FRMD5: variants seen among roughly 807,000 people sequenced by gnomAD.
FRMD5 encodes the protein FERM domain containing 5, also known as FERM domain-containing protein 5.
In FRMD5, 20 loss-of-function variants were observed where a neutral mutation model predicts 69.0. That is an observed-to-expected ratio of 0.29 (90% CI 0.20 to 0.42). The LOEUF is 0.42. FRMD5 is among the 10% of genes least tolerant of loss of function. FRMD5 has a pLI of 1.00. For missense variants in FRMD5, 595 were observed against 708.6 expected (o/e 0.84, Z 1.82); for synonymous variants, 271 against 260.1 (o/e 1.04, Z -0.40).
intron 1 of FRMD5, among the ~76,000 whole-genome samples, chr15:44,160,430 G>A (rs560661850): frequency 3.3e-5 from 5 of 152,110 alleles, no homozygotes; most frequent in Non-Finnish European, 5.9e-5. Flanking sequence ...GGAGAGGGAC[G>A]GATAAGTTGT....
chr15:43,923,223 T>G (rs937845878), intron 2 of FRMD5, among the ~76,000 whole-genome samples: 1 of 152,250 alleles, frequency 6.6e-6, no homozygotes, highest in African/African-American at 2.4e-5. Context: ...AACTACATTG[T>G]AGGCCTGTGC....
chr15:43,996,952 T>C (rs1889960626), intron 1 of FRMD5, among the ~76,000 whole-genome samples: 1 of 152,080 alleles, frequency 6.6e-6, no homozygotes, highest in Non-Finnish European at 1.5e-5. Context: ...GTGGGGGGCT[T>C]TTAAAAAAAT....
intron 1 of FRMD5, among the ~76,000 whole-genome samples, chr15:44,119,113 A>G (rs564063118): frequency 2.3e-4 from 35 of 151,670 alleles, no homozygotes; most frequent in Non-Finnish European, 2.9e-4. Context: ...GCACCACCAC[A>G]CCCAGTTAAT....
At chr15:44,156,782 T>A in intron 1 of FRMD5, among the ~76,000 whole-genome samples, 1 of 152,162 alleles carries the variant, frequency 6.6e-6, no homozygotes, top group East Asian at 1.9e-4. Flanking sequence ...ACATCAGGAA[T>A]GTATCTTTTT....
intron 1 of FRMD5, among the ~76,000 whole-genome samples, chr15:44,113,440 T>G (rs1424493183): frequency 1.3e-5 from 2 of 152,228 alleles, no homozygotes; most frequent in Non-Finnish European, 2.9e-5. Flanking sequence ...ATGGGGTATA[T>G]GAGACACTTG....
At chr15:43,996,788 G>T (rs1427895980) in intron 1 of FRMD5, among the ~76,000 whole-genome samples, 1 of 116,632 alleles carries the variant, frequency 8.6e-6, no homozygotes, top group African/African-American at 3.3e-5. Flanking sequence ...AAAGTGTTCT[G>T]CATGTTGAAA....
chr15:43,936,748 G>C (rs2089768269), intron 1 of FRMD5, among the ~76,000 whole-genome samples: 1 of 151,018 alleles, frequency 6.6e-6, no homozygotes, highest in Non-Finnish European at 1.5e-5. Context: ...AACTACATAG[G>C]CTGTACTTGG....
intron 4 of FRMD5, among the ~76,000 whole-genome samples, chr15:43,913,795 A>T (rs942114009): frequency 5.3e-5 from 8 of 152,322 alleles, no homozygotes; most frequent in African/African-American, 1.4e-4. Flanking sequence ...AGCAATCAGA[A>T]TCCAGGCCTT....
chr15:44,004,703 T>C (rs1272833339), intron 1 of FRMD5, among the ~76,000 whole-genome samples: 22 of 152,182 alleles, frequency 1.4e-4, no homozygotes, highest in Non-Finnish European at 4.4e-5. Context: ...CACAACAATA[T>C]TGAAATTAGC....
At chr15:44,091,730 G>A (rs1166645316) in intron 1 of FRMD5, among the ~76,000 whole-genome samples, 3 of 151,796 alleles carry the variant, frequency 2.0e-5, no homozygotes, top group Admixed American at 6.6e-5. Flanking sequence ...TTTTTTTATT[G>A]AGAAAAGAAA....
At position 43,892,662 on chromosome 15, in the gene FRMD5, G is replaced by A. The variant is rs949991328; in HGVS notation, c.640-593C>T. On this transcript the variant is annotated intron_variant, in intron 7 of 13. Transcript: ENST00000417257. ...TGATACAGTAGAATCTTATTCACCG[G>A]TAAAAAGGGATGAAGGACTGATAGA... Among the ~76,000 whole-genome samples, 4 of 152,140 alleles carry A rather than the reference G, an allele frequency of 2.6e-5. No homozygotes were observed. The East Asian group carries it at 7.7e-4, about 29-fold the overall frequency.
intron 13 of FRMD5, 106 bp downstream of exon 13, chr15:43,883,597 T>TC (rs1482954174): frequency 1.3e-6 from 1 of 781,280 alleles, no homozygotes; most frequent in Non-Finnish European, 2.1e-6. Flanking sequence ...GAGGCCCTTT[T>TC]CCCCAAGAGA....
chr15:44,109,507 G>A lies in FRMD5; in HGVS notation c.102+85446C>T, dbSNP rs538657531. On this transcript the variant is annotated intron_variant, in intron 1 of 13. Transcript: ENST00000417257. Reference sequence around the variant, plus strand: ...TTGTTTTTTTTAAGAGCAATTTGGGGTTCACAGCAGAATTGAGCAGAAAGT... The same window carrying A: ...TTGTTTTTTTTAAGAGCAATTTGGGATTCACAGCAGAATTGAGCAGAAAGT... Among the ~76,000 whole-genome samples, 46 of 151,716 alleles carry A rather than the reference G, an allele frequency of 3.0e-4. No homozygotes were observed. In the South Asian group the frequency reaches 9.4e-3, roughly 31 times the overall value.
intron 1 of FRMD5, among the ~76,000 whole-genome samples, chr15:43,999,647 A>G (rs957625200): frequency 1.3e-5 from 2 of 151,638 alleles, no homozygotes; most frequent in African/African-American, 2.4e-5. Context: ...TATGCGTTTG[A>G]CTTTCTTAGA....
chr15:43,885,374 T>C (rs1342716344), intron 11 of FRMD5, among the ~76,000 whole-genome samples: 2 of 152,090 alleles, frequency 1.3e-5, no homozygotes, highest in South Asian at 2.1e-4. Flanking sequence ...TGGGGTTTCA[T>C]CATGTTGCCC....
intron 1 of FRMD5, among the ~76,000 whole-genome samples, chr15:43,939,253 T>A (rs1202676086): frequency 6.6e-6 from 1 of 151,992 alleles, no homozygotes; most frequent in Admixed American, 6.6e-5. Flanking sequence ...CAATCCCAAA[T>A]CCCCCAGATG....
intron 1 of FRMD5, among the ~76,000 whole-genome samples, chr15:44,080,888 T>G (rs1268817010): frequency 6.6e-6 from 1 of 152,150 alleles, no homozygotes; most frequent in Non-Finnish European, 1.5e-5. Context: ...TCATTTTGGT[T>G]CATTTGCAAA....
chr15:44,064,555 C>CTCCA (rs1157588912), intron 1 of FRMD5, among the ~76,000 whole-genome samples: 3 of 152,158 alleles, frequency 2.0e-5, no homozygotes, highest in Admixed American at 2.0e-4. Flanking sequence ...CGTCATTGCA[C>CTCCA]TCCATCTTGG....
chr15:43,973,122 A>T (rs2090408419), intron 1 of FRMD5, among the ~76,000 whole-genome samples: 1 of 151,582 alleles, frequency 6.6e-6, no homozygotes, highest in Non-Finnish European at 1.5e-5. Flanking sequence ...TCCCGGGTTC[A>T]CGCCATTCTC....
Sources: gnomAD v4.1 joint callset for allele counts (sites outside exome capture counted in the v4.1 genomes callset) on GRCh38, gnomAD v4.1.1 for gene constraint, MANE v1.5 for transcripts, NCBI Gene and HGNC (gene_info 2026-07-23, HGNC 2026-07-21) for gene names.